SKIC2: variants seen among roughly 807,000 people sequenced by gnomAD.
The protein encoded by SKIC2 is superkiller complex protein 2.
the SKIC2 span, chr6:31,960,578 G>A: frequency 9.4e-5 from 148 of 1,580,696 alleles, no homozygotes; most frequent in Admixed American, 1.3e-4. Flanking sequence ...TGGTAGAAGA[G>A]GGTGTCTTTA....
the SKIC2 span, chr6:31,966,886 T>C: frequency 6.2e-7 from 1 of 1,613,878 alleles, no homozygotes; most frequent in Admixed American, 1.7e-5. This position sits in a 1 kb window ranked among gnomAD's most constrained non-coding sequence, Gnocchi z 5.9. Flanking sequence ...AGCAGGAGGT[T>C]GGCCAAAGAC....
At chr6:31,963,699 C>G in the SKIC2 span, 45 of 1,552,204 alleles carry the variant, frequency 2.9e-5, 2 homozygotes, top group Middle Eastern at 1.0e-3. This position sits in a 1 kb window ranked among gnomAD's most constrained non-coding sequence, Gnocchi z 5.3. Flanking sequence ...ACCTTTGGGG[C>G]CAAGCAGCCC....
the SKIC2 span, chr6:31,966,927 A>G: frequency 1.2e-6 from 2 of 1,613,162 alleles, no homozygotes; most frequent in Non-Finnish European, 8.5e-7. This position sits in a 1 kb window ranked among gnomAD's most constrained non-coding sequence, Gnocchi z 5.9. Context: ...TCCAGAGGCC[A>G]GTGTGTTGAG....
the SKIC2 span, chr6:31,963,569 G>A: frequency 7.3e-5 from 114 of 1,556,884 alleles, 1 homozygote; most frequent in Non-Finnish European, 9.3e-5. This position sits in a 1 kb window ranked among gnomAD's most constrained non-coding sequence, Gnocchi z 5.3. Flanking sequence ...GGTAAGCCTC[G>A]AGATGGGGGA....
chr6:31,960,251 C>T, the SKIC2 span: 1 of 1,613,052 alleles, frequency 6.2e-7, no homozygotes, highest in African/African-American at 1.3e-5. Context: ...TCCCTGGTCT[C>T]TTTTGGCTGT....
At chr6:31,962,939 G>T in the SKIC2 span, 2 of 1,465,972 alleles carry the variant, frequency 1.4e-6, no homozygotes, top group African/African-American at 1.4e-5. This position sits in a 1 kb window ranked among gnomAD's most constrained non-coding sequence, Gnocchi z 5.0. Flanking sequence ...TGGGCAGAAG[G>T]GCGGCCCCTG....
chr6:31,959,790 C>A, the SKIC2 span: 1 of 576,108 alleles, frequency 1.7e-6, no homozygotes, highest in South Asian at 2.3e-5. Flanking sequence ...AGCCAGGGAG[C>A]TTTTTAAAAA....
the SKIC2 span, chr6:31,966,651 T>G: frequency 2.5e-6 from 4 of 1,593,776 alleles, no homozygotes; most frequent in Non-Finnish European, 3.4e-6. This position sits in a 1 kb window ranked among gnomAD's most constrained non-coding sequence, Gnocchi z 5.9. Context: ...TCCAGAAGAC[T>G]GGCTGGGGTT....
chr6:31,961,273 G>C, the SKIC2 span: 1 of 1,611,250 alleles, frequency 6.2e-7, no homozygotes, highest in Non-Finnish European at 8.5e-7. Context: ...GGGTGACGAG[G>C]ATGAGAATGA....
the SKIC2 span, chr6:31,968,848 A>G: frequency 6.2e-7 from 1 of 1,611,446 alleles, no homozygotes; most frequent in South Asian, 1.1e-5. The surrounding 1 kb of genome is among the most constrained non-coding windows in gnomAD (Gnocchi z 6.1). Flanking sequence ...CAGTGTGTCC[A>G]ATGCCCACCC....
the SKIC2 span, chr6:31,965,634 C>G: frequency 1.8e-6 from 1 of 562,636 alleles, no homozygotes; most frequent in South Asian, 2.3e-5. The surrounding 1 kb of genome is among the most constrained non-coding windows in gnomAD (Gnocchi z 5.6). Flanking sequence ...AATACCTGCC[C>G]TATAGATTTG....
chr6:31,961,827 G>A, the SKIC2 span: 14 of 1,573,888 alleles, frequency 8.9e-6, no homozygotes, highest in Admixed American at 5.0e-5. Context: ...GCCTTCATCC[G>A]CCCGCCCTGC....
the SKIC2 span, chr6:31,968,808 A>G: frequency 7.9e-7 from 1 of 1,273,458 alleles, no homozygotes; most frequent in Non-Finnish European, 1.1e-6. The surrounding 1 kb of genome is among the most constrained non-coding windows in gnomAD (Gnocchi z 6.1). Flanking sequence ...TGGGTGGGGC[A>G]GTGGTTGGGG....
chr6:31,962,748 G>A, the SKIC2 span: 1 of 1,612,890 alleles, frequency 6.2e-7, no homozygotes, highest in Non-Finnish European at 8.5e-7. The surrounding 1 kb of genome is among the most constrained non-coding windows in gnomAD (Gnocchi z 5.0). Context: ...TGTTATTCGG[G>A]ACCTGGAGTG....
the SKIC2 span, chr6:31,969,077 C>T: frequency 8.7e-6 from 14 of 1,610,960 alleles, no homozygotes; most frequent in Admixed American, 1.7e-5. This position sits in a 1 kb window ranked among gnomAD's most constrained non-coding sequence, Gnocchi z 6.1. Context: ...AGCTCCCAAA[C>T]ACCCTCAAGC....
chr6:31,966,813 C>T, the SKIC2 span: 1 of 1,614,210 alleles, frequency 6.2e-7, no homozygotes, highest in South Asian at 1.1e-5. This position sits in a 1 kb window ranked among gnomAD's most constrained non-coding sequence, Gnocchi z 5.9. Context: ...TGAAGAGGAG[C>T]TTCTCTGAGT....
chr6:31,968,560 C>G, the SKIC2 span: 112 of 1,601,650 alleles, frequency 7.0e-5, no homozygotes, highest in Middle Eastern at 3.3e-4. This position sits in a 1 kb window ranked among gnomAD's most constrained non-coding sequence, Gnocchi z 6.1. Context: ...GGTGGTAACT[C>G]CCAAGCTGGG....
chr6:31,963,284 T>G, the SKIC2 span: 1 of 928,184 alleles, frequency 1.1e-6, no homozygotes, highest in East Asian at 2.6e-5. The surrounding 1 kb of genome is among the most constrained non-coding windows in gnomAD (Gnocchi z 5.3). Context: ...GGATGAGATG[T>G]TGGGGGATAG....
At chr6:31,961,712 T>C in the SKIC2 span, 1 of 1,599,302 alleles carries the variant, frequency 6.3e-7, no homozygotes, top group South Asian at 1.1e-5. Flanking sequence ...CCTCTACCTC[T>C]TTCTGGGTCA....
Sources: gnomAD v4.1 joint callset for allele counts on GRCh38, gnomAD v4.1.1 for gene constraint, Gnocchi (gnomAD v3.1) non-coding constraint, MANE v1.5 for transcripts, NCBI Gene and HGNC (gene_info 2026-07-23, HGNC 2026-07-21) for gene names.